SLC12A6: variants seen among roughly 807,000 people sequenced by gnomAD.
SLC12A6 encodes the protein K-Cl cotransporter 3.
A neutral mutation model predicts 135.3 loss-of-function variants in SLC12A6; 66 were observed. The ratio of observed to expected loss-of-function variants is 0.49; its 90% CI spans 0.40 to 0.60. SLC12A6 has a LOEUF of 0.60. Ranked by LOEUF, SLC12A6 falls within the 20% of genes least tolerant of loss-of-function variation. The pLI, the probability that SLC12A6 is intolerant of heterozygous loss-of-function variation, is 0.00. For missense variants in SLC12A6, 1,058 were observed against 1,452.3 expected, an observed-to-expected ratio of 0.73 and a Z score of 4.41; for synonymous variants, 513 against 508.8, an observed-to-expected ratio of 1.01 and a Z score of -0.11.
intron 3 of SLC12A6, 67 bp from the exon 4 acceptor site, chr15:34,261,087 A>C (rs945867399): frequency 2.4e-6 from 2 of 839,102 alleles, no homozygotes; most frequent in African/African-American, 1.7e-5. Context: ...TCAGCACCAG[A>C]TAAGTGCAGG....
chr15:34,307,747 G>T (rs965520685), intron 2 of SLC12A6, among the ~76,000 whole-genome samples: 1 of 152,148 alleles, frequency 6.6e-6, no homozygotes, highest in African/African-American at 2.4e-5. Context: ...CTGTAGGCAG[G>T]AAACAGCAGA....
chr15:34,261,468 T>C (rs1316121027), intron 3 of SLC12A6, among the ~76,000 whole-genome samples: 4 of 152,100 alleles, frequency 2.6e-5, no homozygotes, highest in African/African-American at 9.7e-5. Flanking sequence ...GCTAATTTGT[T>C]TGTATTTTTA....
At chr15:34,330,269 A>G (rs552689457) in intron 2 of SLC12A6, among the ~76,000 whole-genome samples, 3 of 152,332 alleles carry the variant, frequency 2.0e-5, no homozygotes, top group East Asian at 1.9e-4. Flanking sequence ...TAGTTATCCA[A>G]TAAAACTTCC....
At chr15:34,237,683 A>G (rs533433096) in intron 21 of SLC12A6, 133 bp from the exon 22 acceptor site, 7 of 717,004 alleles carry the variant, frequency 9.8e-6, no homozygotes, top group East Asian at 5.9e-5. Flanking sequence ...CTAGCTTCCT[A>G]CTTGCTATGT....
intron 3 of SLC12A6, among the ~76,000 whole-genome samples, chr15:34,267,307 T>C (rs1271178611): frequency 6.6e-6 from 1 of 152,180 alleles, no homozygotes; most frequent in Non-Finnish European, 1.5e-5. Context: ...TTTGAGTCGA[T>C]GTACAAGTTT....
At chr15:34,312,573 A>T (rs1442570553) in intron 2 of SLC12A6, among the ~76,000 whole-genome samples, 1 of 152,194 alleles carries the variant, frequency 6.6e-6, no homozygotes, top group Non-Finnish European at 1.5e-5. Context: ...GGTAGGAAGA[A>T]AACAGTCAAG....
chr15:34,244,074 T>G lies in SLC12A6; in HGVS notation c.1944-2A>C. On this transcript the variant is annotated splice_acceptor_variant, in intron 15 of 25. Transcript: ENST00000354181. LOFTEE classifies it high-confidence loss of function. ...AAGAGGTAACACATGAGAAAAAACC[T>G]GAAGAATAAAGAGTAAGAGGAATGA... 6.6e-7 allele frequency: 1 copy of G among 1,518,986 alleles called. No homozygotes were observed. The highest frequency in any genetic ancestry group is 9.1e-7 in the Non-Finnish European group (1 of 1,093,226). The allele number at this position is 1,518,986 out of a possible 1,614,324, so 94.1% of individuals were successfully genotyped here.
At chr15:34,308,992 C>T (rs1280459950) in intron 2 of SLC12A6, among the ~76,000 whole-genome samples, 1 of 152,134 alleles carries the variant, frequency 6.6e-6, no homozygotes, top group East Asian at 1.9e-4. Context: ...CTTAAATAAT[C>T]TTCCTAATTT....
At chr15:34,242,517 G>C (rs1891711278) in intron 16 of SLC12A6, among the ~76,000 whole-genome samples, 1 of 152,114 alleles carries the variant, frequency 6.6e-6, no homozygotes, top group African/African-American at 2.4e-5. Flanking sequence ...ACTGTCCTTT[G>C]CAACAGAAGA....
intron 2 of SLC12A6, among the ~76,000 whole-genome samples, chr15:34,334,790 C>G (rs1890093622): frequency 6.6e-6 from 1 of 152,084 alleles, no homozygotes; most frequent in Non-Finnish European, 1.5e-5. Context: ...CCATTTTTAC[C>G]CCTGTAGTCC....
intron 3 of SLC12A6, among the ~76,000 whole-genome samples, chr15:34,271,396 T>C (rs1289818715): frequency 2.0e-5 from 3 of 151,006 alleles, no homozygotes; most frequent in Non-Finnish European, 2.9e-5. Context: ...TTTAATCTCA[T>C]GTTGCCATTC....
chr15:34,232,929 A>T lies in SLC12A6; in HGVS notation c.*952T>A, dbSNP rs1448115899. The T allele has an allele frequency of 8.0e-6, 1 of 124,444 alleles. No homozygotes were observed. The highest frequency in any genetic ancestry group is 2.6e-4 in the South Asian group (1 of 3,896). The allele number at this position is 124,444 out of a possible 1,614,324, so 7.7% of individuals were successfully genotyped here. A position where few individuals can be genotyped will look rare whatever the true frequency, so the allele number is the denominator to read the frequency against. ...AGTATTTGTTCCTTAAGATTTTTTG[A>T]CCTGTGCTTAATAAGAGGGCATAAA... On this transcript the variant is annotated 3_prime_UTR_variant, in exon 26 of 26. Transcript: ENST00000354181.
chr15:34,294,562 CCTTT>C (rs1389865546), intron 2 of SLC12A6, among the ~76,000 whole-genome samples: 2 of 115,402 alleles, frequency 1.7e-5, no homozygotes, highest in African/African-American at 1.1e-4. Context: ...GCCCTAAATA[CCTTT>C]TTTTTAATTT....
At chr15:34,331,677 G>A (rs1241976879) in intron 2 of SLC12A6, among the ~76,000 whole-genome samples, 1 of 152,090 alleles carries the variant, frequency 6.6e-6, no homozygotes, top group Non-Finnish European at 1.5e-5. Context: ...GAACCCTACA[G>A]CATAGTTGAG....
chr15:34,336,661 G>T lies in SLC12A6; in HGVS notation c.20C>A (p.Thr7Asn). 1.2e-6 allele frequency: 2 copies of T among 1,614,120 alleles called. No individual in the cohort carries two copies. The highest frequency in any genetic ancestry group is 1.7e-6 in the Non-Finnish European group (2 of 1,179,938). The change falls in exon 2 of 26, where the codon ACC becomes AAC. Residue 7 changes from threonine (T) to asparagine (N), a missense_variant. Physicochemically the swap from Thr to Asn is moderately conservative, Grantham distance 65 (BLOSUM62 0). This residue lies in a region of SLC12A6 where 176 missense variants were observed against 168.9 expected (regional missense o/e 1.04). Transcript: ENST00000354181. ...GAACCGAACTGAAGCCATCTTGGTG[G>T]TGGTTTCTGGAGGATGCATTTTGTT... Reference protein sequence around the residue: MHPPETTTKMASVRFMV... With the variant: MHPPETNTKMASVRFMV...
chr15:34,293,582 G>C (rs2140981126), intron 2 of SLC12A6, among the ~76,000 whole-genome samples: 1 of 152,326 alleles, frequency 6.6e-6, no homozygotes, highest in South Asian at 2.1e-4. Flanking sequence ...GGGATTACAG[G>C]CATGAGCCAT....
chr15:34,322,241 C>T (rs1026541070), intron 2 of SLC12A6, among the ~76,000 whole-genome samples: 10 of 152,050 alleles, frequency 6.6e-5, no homozygotes, highest in Admixed American at 5.2e-4. Flanking sequence ...ATTAGCTGGG[C>T]GTGGTGACAC....
At chr15:34,234,380 CTTTT>C (rs910172993) in intron 25 of SLC12A6, among the ~76,000 whole-genome samples, 2 of 148,782 alleles carry the variant, frequency 1.3e-5, no homozygotes, top group Admixed American at 6.7e-5. Context: ...TCTTTTCTTT[CTTTT>C]TTTTTTGAGA....
At chr15:34,253,755 G>A (rs1892551773) in intron 9 of SLC12A6, among the ~76,000 whole-genome samples, 1 of 152,182 alleles carries the variant, frequency 6.6e-6, no homozygotes, top group South Asian at 2.1e-4. Context: ...TAGTCCCTAT[G>A]CCACTAGTCA....
Sources: gnomAD v4.1 joint callset for allele counts (sites outside exome capture counted in the v4.1 genomes callset) on GRCh38, gnomAD v4.1.1 for gene constraint, gnomAD v4.1.1 regional missense constraint, MANE v1.5 for transcripts, NCBI Gene and HGNC (gene_info 2026-07-23, HGNC 2026-07-21) for gene names.